The following FAM13A variants were observed in gnomAD, a reference collection of about 807,000 sequenced individuals.
FAM13A encodes family with sequence similarity 13 member A.
FAM13A carries 76 observed loss-of-function variants against 129.6 expected under a neutral mutation model. That is an observed-to-expected ratio of 0.59 (90% CI 0.49 to 0.71). FAM13A has a LOEUF of 0.71. Ranked by LOEUF, FAM13A falls within the 30% of genes least tolerant of loss-of-function variation. The pLI is 0.00. For missense variants in FAM13A, 1,108 were observed against 1,249.3 expected, an observed-to-expected ratio of 0.89 and a Z score of 1.70; for synonymous variants, 443 against 449.9, an observed-to-expected ratio of 0.98 and a Z score of 0.20.
At chr4:88,834,307 G>T (rs1238210501) in intron 7 of FAM13A, among the ~76,000 whole-genome samples, 1 of 151,254 alleles carries the variant, frequency 6.6e-6, no homozygotes, top group Non-Finnish European at 1.5e-5. Context: ...TTCATGTATA[G>T]AGCATTATTA....
At chr4:88,879,861 G>T (rs1372773812) in intron 6 of FAM13A, among the ~76,000 whole-genome samples, 2 of 152,112 alleles carry the variant, frequency 1.3e-5, no homozygotes, top group South Asian at 2.1e-4. Flanking sequence ...AAAAAAAAAT[G>T]TTGTCTTAAG....
chr4:88,866,430 T>C (rs1740458821), intron 6 of FAM13A, among the ~76,000 whole-genome samples: 2 of 152,204 alleles, frequency 1.3e-5, no homozygotes, highest in African/African-American at 2.4e-5. Flanking sequence ...TCAGCCTGCC[T>C]TGACCTCCCA....
At chr4:88,782,124 T>C (rs1723070728) in intron 10 of FAM13A, among the ~76,000 whole-genome samples, 1 of 152,126 alleles carries the variant, frequency 6.6e-6, no homozygotes, top group South Asian at 2.1e-4. Context: ...GCATTTTAAC[T>C]GAAATCTGGA....
intron 20 of FAM13A, among the ~76,000 whole-genome samples, chr4:88,737,986 G>C (rs1739365549): frequency 6.6e-6 from 1 of 152,192 alleles, no homozygotes; most frequent in Non-Finnish European, 1.5e-5. Context: ...GGGACACTAA[G>C]GGTTCCTGCC....
chr4:89,003,795 TGGCAA>T (rs1368430994), intron 3 of FAM13A, among the ~76,000 whole-genome samples: 1 of 152,170 alleles, frequency 6.6e-6, no homozygotes, highest in Non-Finnish European at 1.5e-5. Context: ...TTGGAGTAAG[TGGCAA>T]GGCAACAGAG....
chr4:88,888,593 C>A (rs1259290698), intron 6 of FAM13A, among the ~76,000 whole-genome samples: 4 of 152,000 alleles, frequency 2.6e-5, no homozygotes, highest in Non-Finnish European at 4.4e-5. Context: ...ATAAATAAAT[C>A]ATCCCAGACT....
At chr4:89,056,406 T>C (rs1213954108) in intron 1 of FAM13A, among the ~76,000 whole-genome samples, 1 of 152,186 alleles carries the variant, frequency 6.6e-6, no homozygotes, top group Non-Finnish European at 1.5e-5. Flanking sequence ...ACCATTCATT[T>C]CTACAGTTTA....
intron 7 of FAM13A, among the ~76,000 whole-genome samples, chr4:88,836,576 CTATTAA>C (rs1367250947): frequency 6.6e-6 from 1 of 152,192 alleles, no homozygotes; most frequent in Non-Finnish European, 1.5e-5. Flanking sequence ...CAGCTGTCTT[CTATTAA>C]TATTAAGCCA....
Position 88,726,467 on chromosome 4 carries a change from C to G in FAM13A, c.*2066G>C, listed in dbSNP as rs1464199299. The G allele has an allele frequency of 6.6e-6, 1 of 152,394 alleles. No individual in the cohort carries two copies. The highest frequency in any genetic ancestry group is 1.5e-5 in the Non-Finnish European group (1 of 68,004). The allele number at this position is 152,394 out of a possible 1,614,324, so 9.4% of individuals were successfully genotyped here. A position where few individuals can be genotyped will look rare whatever the true frequency, so the allele number is the denominator to read the frequency against. On this transcript the variant is annotated 3_prime_UTR_variant, in exon 24 of 24. Coordinates refer to ENST00000264344, the MANE Select transcript of FAM13A (RefSeq NM_014883.4). ...TTACCTTTGGCAGAAACAACAGATT[C>G]CAAAACAATTAGTAGCATCTCATTT...
chr4:88,749,377 G>A (rs1040920489), intron 16 of FAM13A, among the ~76,000 whole-genome samples: 2 of 152,132 alleles, frequency 1.3e-5, no homozygotes, highest in South Asian at 4.1e-4. Context: ...CTCAGCAACC[G>A]TCACAAAAAT....
At chr4:88,939,271 A>G (rs1189789877) in intron 4 of FAM13A, among the ~76,000 whole-genome samples, 7 of 152,162 alleles carry the variant, frequency 4.6e-5, no homozygotes, top group Non-Finnish European at 7.3e-5. Context: ...GGTGGCTGCC[A>G]GCATTGCTTG....
chr4:88,851,506 T>G (rs1292880669), intron 6 of FAM13A, among the ~76,000 whole-genome samples: 1 of 151,562 alleles, frequency 6.6e-6, no homozygotes, highest in Non-Finnish European at 1.5e-5. Context: ...AGAAATGATA[T>G]GGGAGTATGT....
chr4:88,979,533 A>G (rs922433317), intron 4 of FAM13A, among the ~76,000 whole-genome samples: 2 of 152,152 alleles, frequency 1.3e-5, no homozygotes, highest in African/African-American at 4.8e-5. Flanking sequence ...CTGTGCTGCA[A>G]GTTTCCTCAC....
At chr4:88,858,262 A>T (rs1197392263) in intron 6 of FAM13A, among the ~76,000 whole-genome samples, 1 of 152,202 alleles carries the variant, frequency 6.6e-6, no homozygotes, top group Non-Finnish European at 1.5e-5. Context: ...ATCTCGACAC[A>T]GTTCCATCTG....
chr4:88,877,379 T>G (rs2150109155), intron 6 of FAM13A, among the ~76,000 whole-genome samples: 1 of 152,342 alleles, frequency 6.6e-6, no homozygotes, highest in South Asian at 2.1e-4. Flanking sequence ...TTTATCATAC[T>G]GAATAACATT....
At chr4:88,871,600 A>G (rs1005148118) in intron 6 of FAM13A, among the ~76,000 whole-genome samples, 1 of 152,204 alleles carries the variant, frequency 6.6e-6, no homozygotes, top group Non-Finnish European at 1.5e-5. Flanking sequence ...TAGAGAAAAA[A>G]GAGTAAAAAG....
chr4:88,961,347 C>CTTTTTTTTT lies in FAM13A; in HGVS notation c.606-23115_606-23107dup, dbSNP rs773764813. ...AAATCCTCAGCTTTGTGGAATTTGC[C>CTTTTTTTTT]TTTTTTTTTTTTTTTTTTTTTTTTT... On this transcript the variant is annotated intron_variant, in intron 4 of 23. Transcript: ENST00000264344. 1.2e-3 allele frequency among the ~76,000 whole-genome samples: 67 copies of CTTTTTTTTT among 55,442 alleles called. 16 individuals are homozygous for CTTTTTTTTT. Among genetic ancestry groups the CTTTTTTTTT allele is most frequent in the Middle Eastern group, 0.016 (1 of 64 alleles). The allele number at this position is 55,442 out of a possible 152,430, so 36.4% of individuals were successfully genotyped here. A position where few individuals can be genotyped will look rare whatever the true frequency, so the allele number is the denominator to read the frequency against.
intron 5 of FAM13A, among the ~76,000 whole-genome samples, chr4:88,920,861 C>G: frequency 6.6e-6 from 1 of 152,082 alleles, no homozygotes; most frequent in East Asian, 1.9e-4. Flanking sequence ...CTTAAAGGAG[C>G]TGATGGAGCT....
chr4:89,043,305 C>G (rs1533291), intron 1 of FAM13A, among the ~76,000 whole-genome samples: 2 of 151,888 alleles, frequency 1.3e-5, no homozygotes, highest in Non-Finnish European at 2.9e-5. Flanking sequence ...GAGTGTATCA[C>G]CTTGGGAGGC....
Sources: allele counts gnomAD v4.1 joint callset (sites outside exome capture counted in the v4.1 genomes callset), GRCh38; gene constraint gnomAD v4.1.1; transcripts MANE v1.5; gene names NCBI Gene and HGNC (gene_info 2026-07-23, HGNC 2026-07-21).